The following ZNF182 variants were observed in gnomAD, a reference collection of about 807,000 sequenced individuals.
The protein encoded by ZNF182 is zinc finger protein 182.
ZNF182 carries 10 observed loss-of-function variants against 28.1 expected under a neutral mutation model. That is an observed-to-expected ratio of 0.36 (90% CI 0.22 to 0.60). ZNF182 has a LOEUF of 0.60. Among genes scored for constraint, ZNF182 ranks in the 20% least tolerant of loss-of-function variants. The pLI, the probability that ZNF182 is intolerant of heterozygous loss-of-function variation, is 0.75. For synonymous variants in ZNF182, 156 were observed against 158.7 expected (o/e 0.98, Z 0.13); for missense variants, 352 against 453.2 (o/e 0.78, Z 2.03).
intron 3 of ZNF182, among the ~76,000 whole-genome samples, chrX:47,986,165 C>T (rs988022875): frequency 3.6e-5 from 4 of 112,148 alleles, no homozygotes; most frequent in Non-Finnish European, 7.5e-5. Flanking sequence ...TAAAACACCA[C>T]AATCCATTGA....
At chrX:47,993,930 A>C (rs2058949985) in intron 3 of ZNF182, among the ~76,000 whole-genome samples, 1 of 111,810 alleles carries the variant, frequency 8.9e-6, no homozygotes, top group African/African-American at 3.2e-5. Context: ...TTGCCATTCC[A>C]GAAGGAGATG....
intron 3 of ZNF182, among the ~76,000 whole-genome samples, chrX:47,999,010 AGTTTCC>A (rs1373159635): frequency 8.9e-6 from 1 of 112,303 alleles, no homozygotes; most frequent in Non-Finnish European, 1.9e-5. Context: ...AATCAACCTC[AGTTTCC>A]ATCAGTGGAT....
In ZNF182 at chrX:47,977,025, A is replaced by T. The variant is rs782579217; in HGVS notation, c.1005T>A (p.Ser335=). 4.2e-6 allele frequency: 5 copies of T among 1,204,717 alleles called. No individual in the cohort carries two copies. The Admixed American group carries it at 1.1e-4, about 27-fold the overall frequency. The change falls in exon 6 of 6, where the codon TCT becomes TCA. Residue 335 remains serine (S), a synonymous_variant. Transcript: ENST00000376943. ...KTYECTKCGE[S]FIQKLDLIIH... Reference sequence around the variant, plus strand: ...TAATTAGATCAAGCTTCTGTATGAAAGATTCTCCACATTTAGTGCATTCAT... The same window carrying T: ...TAATTAGATCAAGCTTCTGTATGAATGATTCTCCACATTTAGTGCATTCAT...
Position 47,976,945 on chromosome X carries a change from T to C in ZNF182, c.1085A>G (p.Lys362Arg). The C allele has an allele frequency of 8.3e-7, 1 of 1,209,548 alleles. No individual in the cohort carries two copies. The highest frequency in any genetic ancestry group is 1.1e-6 in the Non-Finnish European group (1 of 894,794). Residue 362 changes from lysine (K) to arginine (R), a missense_variant, in exon 6 of 6, where the codon AAA (lysine) becomes AGA (arginine). Physicochemically the swap from Lys to Arg is conservative, Grantham distance 26. Transcript: ENST00000376943. ...GAGAGTTGACTTATCACTGAAAGTT[T>C]TCTTACACTCATTACATTCATGGGG... Reference protein sequence around the residue: ...KKPHECNECKKTFSDKSTLII... With the variant: ...KKPHECNECKRTFSDKSTLII...
rs1556898524 is a variant in ZNF182 at position 47,977,687 on chromosome X, C to T, written c.343G>A (p.Ala115Thr). 8.3e-7 allele frequency: 1 copy of T among 1,210,650 alleles called. No homozygotes were observed. The highest frequency in any genetic ancestry group is 1.1e-6 in the Non-Finnish European group (1 of 894,936). The change falls in exon 6 of 6, where the codon GCT (alanine) becomes ACT (threonine). Residue 115 changes from alanine to threonine, a missense_variant. By Grantham distance (58) the Ala-to-Thr change is moderately conservative. Coordinates refer to ENST00000376943, the MANE Select transcript of ZNF182 (RefSeq NM_001007088.2). The part of the protein sequence containing the change: ...SDKKTIITKS[A>T]RDCHEFGNIL... ...TTTCCAAACTCATGACAGTCACGAG[C>T]ACTCTTGGTGATAATTGTTTTCTTG...
Position 47,976,182 on chromosome X carries a change from C to A in ZNF182, c.1848G>T (p.Lys616Asn). The A allele has an allele frequency of 8.7e-7, 1 of 1,154,508 alleles. No individual in the cohort carries two copies. The highest frequency in any genetic ancestry group is 1.8e-5 in the African/African-American group (1 of 55,545). Reference protein sequence around the residue: ...AHGRGHTRKSKFMAH With the variant: ...AHGRGHTRKSNFMAH ...GATTAGCTCTCTAATGTGCCATGAA[C>A]TTTGACTTCCGAGTGTGGCCTCTTC... Residue 616 changes from lysine to asparagine, a missense_variant, in exon 6 of 6, where the codon AAG (lysine) becomes AAT (asparagine). Physicochemically the swap from Lys to Asn is moderately conservative, Grantham distance 94. Transcript: ENST00000376943.
Position 47,980,452 on chromosome X carries a change from T to A in ZNF182, c.232+2497A>T, listed in dbSNP as rs782040004. Among the ~76,000 whole-genome samples the A allele has an allele frequency of 6.1e-4, 68 of 112,087 alleles. 1 individual carries two copies. The South Asian group carries it at 8.5e-3, about 14-fold the overall frequency. The stretch of plus-strand genomic sequence containing the variant: ...AATAGCTAAAAGAAAAGATTTTGAA[T>A]GTTCTCCCCACAAAGAAACAAATAT... On this transcript the variant is annotated intron_variant, in intron 5 of 5. Coordinates refer to ENST00000376943, the MANE Select transcript of ZNF182 (RefSeq NM_001007088.2).
chrX:47,998,131 A>T (rs1439732447), intron 3 of ZNF182, among the ~76,000 whole-genome samples: 1 of 105,259 alleles, frequency 9.5e-6, no homozygotes, highest in Non-Finnish European at 1.9e-5. Context: ...CCCAGGCTAG[A>T]GTGCAATCAA....
At chrX:47,986,405 A>AT (rs2058923398) in intron 3 of ZNF182, among the ~76,000 whole-genome samples, 1 of 112,349 alleles carries the variant, frequency 8.9e-6, no homozygotes, top group African/African-American at 3.2e-5. Context: ...TATTGACTTC[A>AT]TATCAGCACT....
At chrX:47,989,104 AC>A (rs1351564453) in intron 3 of ZNF182, among the ~76,000 whole-genome samples, 2 of 112,111 alleles carry the variant, frequency 1.8e-5, no homozygotes, top group East Asian at 5.5e-4. Context: ...AGTGAGAGAA[AC>A]AAGTGATCAA....
chrX:48,000,507 A>G (rs1050631323), intron 3 of ZNF182, among the ~76,000 whole-genome samples: 1 of 111,246 alleles, frequency 9.0e-6, no homozygotes, highest in Non-Finnish European at 1.9e-5. Flanking sequence ...GGTTGCAGTG[A>G]GCCAAGATGG....
chrX:47,977,608 T>C lies in ZNF182; in HGVS notation c.422A>G (p.His141Arg). The change falls in exon 6 of 6, where the codon CAC (histidine) becomes CGC (arginine). Residue 141 changes from histidine to arginine, a missense_variant. Transcript: ENST00000376943. ...TACCATATTATTTCCAAATGATTCG[T>C]GTTTATCGGGTCTTTGTATTGAAGC... ...LVASIQRPDK[H>R]ESFGNNMVDN... 1 of 1,209,295 alleles carries C rather than the reference T, an allele frequency of 8.3e-7. No homozygotes were observed. The highest frequency in any genetic ancestry group is 1.1e-6 in the Non-Finnish European group (1 of 894,124).
chrX:47,990,448 TCAAA>T (rs1378846313), intron 3 of ZNF182, among the ~76,000 whole-genome samples: 21 of 111,074 alleles, frequency 1.9e-4, no homozygotes, highest in African/African-American at 5.9e-4. Context: ...CCATTAACTC[TCAAA>T]CTGTCACCCC....
rs781899402 is a variant in ZNF182, at chrX:47,977,438, G to A, written c.592C>T (p.Arg198Ter). Residue 198 changes from arginine to a stop codon, truncating the protein, a stop_gained, in exon 6 of 6, where the codon CGA (arginine) becomes TGA (stop). Transcript: ENST00000376943. LOFTEE classifies it high-confidence loss of function. Reference protein sequence around the residue: ...GYKECGKGLRRKKGLSLHQRI... With the variant: ...GYKECGKGLR Reference sequence around the variant, plus strand: ...TGATGTAGACTAAGGCCTTTCTTTCGCCTAAGACCTTTCCCACACTCTTTA... The same window carrying A: ...TGATGTAGACTAAGGCCTTTCTTTCACCTAAGACCTTTCCCACACTCTTTA... 5.0e-6 allele frequency: 6 copies of A among 1,209,117 alleles called. No homozygotes were observed. In the African/African-American group the frequency reaches 5.2e-5, roughly 11 times the overall value.
In ZNF182 at chrX:48,002,637, GA is replaced by G. The variant is rs782296477; in HGVS notation, c.-29del. 91 of 1,207,391 alleles carry G rather than the reference GA, an allele frequency of 7.5e-5. No individual in the cohort carries two copies. Among genetic ancestry groups the G allele is most frequent in the Non-Finnish European group, 1.0e-4 (89 of 893,841 alleles). On this transcript the variant is annotated 5_prime_UTR_variant, in exon 3 of 6. Coordinates refer to ENST00000376943, the MANE Select transcript of ZNF182 (RefSeq NM_001007088.2). ...CCTGCTCTTCTTGGGAAAAAGCAGA[GA>G]TGTGTGACGGCCGAGCTGGAACAAG...
intron 3 of ZNF182, chrX:47,988,477 G>C (rs1556900036): frequency 4.4e-6 from 2 of 450,218 alleles, no homozygotes; most frequent in South Asian, 3.8e-5. Context: ...AAAGAGTCTG[G>C]TGCCTCCCTC....
chrX:47,991,748 A>G (rs1278949793), intron 3 of ZNF182, among the ~76,000 whole-genome samples: 9 of 111,098 alleles, frequency 8.1e-5, no homozygotes. Context: ...CCAAGGACTT[A>G]AACAGTGGCA....
rs1311870575 is a variant in ZNF182 at position 47,982,982 on chromosome X, C to T, written c.199G>A (p.Ala67Thr). The T allele has an allele frequency of 1.7e-6, 2 of 1,211,332 alleles. No individual in the cohort carries two copies. Among genetic ancestry groups the T allele is most frequent in the African/African-American group, 3.5e-5 (2 of 57,696 alleles). The change falls in exon 5 of 6, where the codon GCA (alanine) becomes ACA (threonine). Residue 67 changes from alanine (A) to threonine (T), a missense_variant. Coordinates refer to ENST00000376943, the MANE Select transcript of ZNF182 (RefSeq NM_001007088.2). ...TTCCAAAATGGGATTTTTCCTTCTG[C>T]CGGGCATTCTTCTACCTCCAACTTG... ...ILKLEVEECP[A>T]EGKIPFWNFP...
intron 5 of ZNF182, among the ~76,000 whole-genome samples, chrX:47,979,550 C>T (rs781821682): frequency 5.0e-4 from 55 of 110,756 alleles, no homozygotes; most frequent in African/African-American, 1.8e-3. Flanking sequence ...CAGTGCCCAC[C>T]CAAATGGATG....
Sources: allele counts gnomAD v4.1 joint callset (sites outside exome capture counted in the v4.1 genomes callset), GRCh38; gene constraint gnomAD v4.1.1; transcripts MANE v1.5; gene names NCBI Gene and HGNC (gene_info 2026-07-23, HGNC 2026-07-21).